The following TRIM33 variants were observed in gnomAD, a reference collection of about 807,000 sequenced individuals.
TRIM33 encodes E3 ubiquitin-protein ligase TRIM33.
In TRIM33, 20 loss-of-function variants were observed where a neutral mutation model predicts 125.4. That is an observed-to-expected ratio of 0.16 (90% CI 0.11 to 0.23). The LOEUF is 0.23. Among genes scored for constraint, TRIM33 ranks in the 10% least tolerant of loss-of-function variants. TRIM33 has a pLI of 1.00. For synonymous variants in TRIM33, 564 were observed against 513.9 expected (o/e 1.10, Z -1.32); for missense variants, 920 against 1,411.4 (o/e 0.65, Z 5.58).
chr1:114,499,484 A>G (rs944196409), intron 1 of TRIM33, among the ~76,000 whole-genome samples: 5 of 152,210 alleles, frequency 3.3e-5, no homozygotes, highest in Middle Eastern at 3.4e-3. Context: ...TTTTCTCCTG[A>G]GAATTCCCTT....
At chr1:114,468,659 T>G (rs1650453668) in intron 1 of TRIM33, 2 of 439,838 alleles carry the variant, frequency 4.5e-6, no homozygotes, top group South Asian at 3.4e-5. Flanking sequence ...AACCAGAGTA[T>G]GACCTTAATA....
intron 1 of TRIM33, among the ~76,000 whole-genome samples, chr1:114,492,209 T>C (rs902300875): frequency 6.6e-6 from 1 of 152,190 alleles, no homozygotes. Flanking sequence ...TTTTAGCATG[T>C]AGGTGAATTC....
intron 1 of TRIM33, among the ~76,000 whole-genome samples, chr1:114,484,756 T>G (rs1216993900): frequency 6.6e-6 from 1 of 152,138 alleles, no homozygotes; most frequent in African/African-American, 2.4e-5. Flanking sequence ...TCCCAGTTAC[T>G]CAGGAGGCTG....
At chr1:114,456,101 TTA>T (rs896748466) in intron 4 of TRIM33, among the ~76,000 whole-genome samples, 1 of 152,160 alleles carries the variant, frequency 6.6e-6, no homozygotes, top group African/African-American at 2.4e-5. Flanking sequence ...TCAGCTGCCT[TTA>T]TGTGAGGTGG....
chr1:114,411,640 TTA>T (rs1247755485), intron 11 of TRIM33, among the ~76,000 whole-genome samples: 1 of 152,188 alleles, frequency 6.6e-6, no homozygotes, highest in Non-Finnish European at 1.5e-5. Flanking sequence ...CCACTCCTTT[TTA>T]TACTCCTCAC....
At chr1:114,474,541 C>G (rs934137666) in intron 1 of TRIM33, among the ~76,000 whole-genome samples, 2 of 141,276 alleles carry the variant, frequency 1.4e-5, no homozygotes, top group African/African-American at 5.4e-5. Flanking sequence ...GCCACTCTAC[C>G]GTAGCCTGGG....
chr1:114,421,793 T>A (rs1432592534), intron 10 of TRIM33, among the ~76,000 whole-genome samples, 157 bp from the exon 11 acceptor site: 1 of 152,220 alleles, frequency 6.6e-6, no homozygotes, highest in Non-Finnish European at 1.5e-5. Context: ...ACTCAGCCTT[T>A]TCATTTTTCT....
intron 1 of TRIM33, among the ~76,000 whole-genome samples, chr1:114,478,193 T>C (rs1651090486): frequency 6.6e-6 from 1 of 151,960 alleles, no homozygotes; most frequent in Admixed American, 6.6e-5. Context: ...TTGAGGATGC[T>C]CCCATGGTCC....
chr1:114,488,655 T>C lies in TRIM33; in HGVS notation c.526+21896A>G, dbSNP rs561374736. 3.3e-5 allele frequency among the ~76,000 whole-genome samples: 5 copies of C among 152,118 alleles called. No individual in the cohort carries two copies. The East Asian group carries it at 9.6e-4, about 29-fold the overall frequency. On this transcript the variant is annotated intron_variant, in intron 1 of 19. Transcript: ENST00000358465. ...GGCATGCGGCTGCAGTCCCAGCTAC[T>C]AGGAGTCTGAGGTGAAAGAACTGCT... is the stretch of plus-strand genomic sequence containing the variant.
chr1:114,505,764 C>T (rs925469782), intron 1 of TRIM33, among the ~76,000 whole-genome samples: 4 of 151,992 alleles, frequency 2.6e-5, no homozygotes, highest in Admixed American at 6.6e-5. Context: ...GACAGGGTTT[C>T]GCCATGTTGG....
intron 11 of TRIM33, among the ~76,000 whole-genome samples, chr1:114,419,118 T>C (rs1653111660): frequency 6.7e-6 from 1 of 149,256 alleles, no homozygotes; most frequent in South Asian, 2.1e-4. Flanking sequence ...GGAGAACAGC[T>C]TGAGCCTCAG....
intron 4 of TRIM33, among the ~76,000 whole-genome samples, chr1:114,435,249 T>C (rs1306535740): frequency 6.6e-6 from 1 of 152,074 alleles, no homozygotes; most frequent in East Asian, 1.9e-4. Flanking sequence ...GAGATCAGGG[T>C]ACAGTACTGG....
rs540201780 is a variant in TRIM33, at chr1:114,509,224, T to C, written c.526+1327A>G. Among the ~76,000 whole-genome samples, 271 of 152,302 alleles carry C rather than the reference T, an allele frequency of 1.8e-3. 2 individuals are homozygous for C. The highest frequency in any genetic ancestry group is 6.2e-3 in the African/African-American group (258 of 41,562). ...TCAGTCCACAATGTCGAGGATACAC[T>C]CTACAGGATGAATTCCAAGCCCTTT... is the stretch of plus-strand genomic sequence containing the variant. On this transcript the variant is annotated intron_variant, in intron 1 of 19. Coordinates refer to ENST00000358465, the MANE Select transcript of TRIM33 (RefSeq NM_015906.4).
At chr1:114,491,132 C>A (rs765686747) in intron 1 of TRIM33, among the ~76,000 whole-genome samples, 9 of 152,082 alleles carry the variant, frequency 5.9e-5, no homozygotes, top group Non-Finnish European at 1.2e-4. Context: ...AACTACTGAA[C>A]CATACACTTC....
intron 1 of TRIM33, among the ~76,000 whole-genome samples, chr1:114,482,038 G>T (rs1253782912): frequency 6.6e-6 from 1 of 152,160 alleles, no homozygotes; most frequent in Non-Finnish European, 1.5e-5. Flanking sequence ...TGGGATTACA[G>T]GCCATTAGTC....
At chr1:114,458,920 A>G (rs1275636583) in intron 4 of TRIM33, among the ~76,000 whole-genome samples, 2 of 152,228 alleles carry the variant, frequency 1.3e-5, no homozygotes, top group Non-Finnish European at 2.9e-5. Context: ...GAATAGTTGT[A>G]AATGTGTTGT....
At chr1:114,469,331 G>T in intron 1 of TRIM33, 1 of 164,960 alleles carries the variant, frequency 6.1e-6, no homozygotes, top group South Asian at 1.8e-4. Flanking sequence ...GATTTGGCGG[G>T]ACAGGTTTGT....
Position 114,511,149 on chromosome 1 carries a change from C to T in TRIM33, c.-73G>A, listed in dbSNP as rs561148455. 9.4e-7 allele frequency: 1 copy of T among 1,065,314 alleles called. No homozygotes were observed. The highest frequency in any genetic ancestry group is 1.7e-5 in the African/African-American group (1 of 59,050). The allele number at this position is 1,065,314 out of a possible 1,614,324, so 66.0% of individuals were successfully genotyped here. A position where few individuals can be genotyped will look rare whatever the true frequency, so the allele number is the denominator to read the frequency against. ...GCGTCGCCGCCGCCGCCGCCCCCAG[C>T]CCCAGCCGCAGCCGCAGCAAGAGCG... On this transcript the variant is annotated 5_prime_UTR_variant, in exon 1 of 20. Coordinates refer to ENST00000358465, the MANE Select transcript of TRIM33 (RefSeq NM_015906.4).
intron 13 of TRIM33, among the ~76,000 whole-genome samples, chr1:114,407,611 A>G (rs1027622968): frequency 2.6e-5 from 4 of 152,224 alleles, no homozygotes; most frequent in Non-Finnish European, 5.9e-5. Flanking sequence ...TGCTGTGATT[A>G]TAGCAAAAGG....
Sources: allele counts gnomAD v4.1 joint callset (sites outside exome capture counted in the v4.1 genomes callset), GRCh38; gene constraint gnomAD v4.1.1; transcripts MANE v1.5; gene names NCBI Gene and HGNC (gene_info 2026-07-23, HGNC 2026-07-21).